Variants in CSMD1 observed in about 807,000 individuals in gnomAD.
CSMD1 encodes CUB and Sushi multiple domains 1, also known as CUB and sushi domain-containing protein 1.
In CSMD1, 213 loss-of-function variants were observed where a neutral mutation model predicts 417.5. That is an observed-to-expected ratio of 0.51 (90% confidence interval 0.46 to 0.57). CSMD1 has a LOEUF of 0.57. Among genes scored for constraint, CSMD1 ranks in the 20% least tolerant of loss-of-function variants. The pLI, the probability that CSMD1 is intolerant of heterozygous loss-of-function variation, is 0.00. For synonymous variants in CSMD1, 2,862 were observed against 1,736.8 expected, an observed-to-expected ratio of 1.65 and a Z score of -16.11; for missense variants, 6,923 against 4,529.7, an observed-to-expected ratio of 1.53 and a Z score of -15.17.
chr8:3,446,027 C>T lies in CSMD1; in HGVS notation c.1561+22685G>A, dbSNP rs574960611. The stretch of plus-strand genomic sequence containing the variant: ...AAAGTCAAAAATACTGTCCCGGGCC[C>T]GGATTGATAATTACATTTTTGACAA... On this transcript the variant is annotated intron_variant, in intron 12 of 69. Coordinates refer to ENST00000635120, the MANE Select transcript of CSMD1 (RefSeq NM_033225.6). Among the ~76,000 whole-genome samples, 6 of 152,114 alleles carry T rather than the reference C, an allele frequency of 3.9e-5. No homozygotes were observed. The South Asian group carries it at 6.2e-4, about 16-fold the overall frequency.
intron 3 of CSMD1, among the ~76,000 whole-genome samples, chr8:4,071,178 C>G (rs545278686): frequency 1.3e-5 from 2 of 151,530 alleles, no homozygotes; most frequent in South Asian, 2.1e-4. Flanking sequence ...AAGATAGTTT[C>G]TCCCTTATTC....
rs138711372 is a variant in CSMD1 at position 4,221,530 on chromosome 8, A to G, written c.416-189431T>C. The stretch of plus-strand genomic sequence containing the variant: ...GAAACAAGCCAATTTGCAGCACAGA[A>G]TCCCAGGAAGGCTCAAGAGCAGGAG... On this transcript the variant is annotated intron_variant, in intron 3 of 69. Coordinates refer to ENST00000635120, the MANE Select transcript of CSMD1 (RefSeq NM_033225.6). 1.5e-3 allele frequency among the ~76,000 whole-genome samples: 236 copies of G among 152,328 alleles called. 1 individual carries two copies. Among genetic ancestry groups the G allele is most frequent in the South Asian group, 2.7e-3 (13 of 4,830 alleles).
chr8:4,513,702 C>G (rs1255113369), intron 2 of CSMD1, among the ~76,000 whole-genome samples: 2 of 152,174 alleles, frequency 1.3e-5, no homozygotes, highest in Non-Finnish European at 2.9e-5. Context: ...TTCTGGGGGA[C>G]TTTAAAGTCC....
chr8:3,616,979 AAC>A (rs199913308), intron 7 of CSMD1, among the ~76,000 whole-genome samples, 182 bp from the exon 8 acceptor site: 1 of 128,306 alleles, frequency 7.8e-6, no homozygotes, highest in Non-Finnish European at 1.8e-5. Context: ...GTGAAAATCA[AAC>A]ATGTGTTTTC....
chr8:3,551,475 T>C lies in CSMD1; in HGVS notation c.1344+23470A>G, dbSNP rs1030552167. Among the ~76,000 whole-genome samples the C allele has an allele frequency of 7.2e-5, 11 of 151,962 alleles. No individual in the cohort carries two copies. The East Asian group carries it at 7.7e-4, about 11-fold the overall frequency. ...GGAGAAAAGAACATATTTTACCAAATACATAACTTTTATTGTGACTGTTTG... is the reference window on the plus strand; with the variant it reads ...GGAGAAAAGAACATATTTTACCAAACACATAACTTTTATTGTGACTGTTTG... On this transcript the variant is annotated intron_variant, in intron 10 of 69. Coordinates refer to ENST00000635120, the MANE Select transcript of CSMD1 (RefSeq NM_033225.6).
At chr8:3,063,003 G>C (rs1012919030) in intron 49 of CSMD1, among the ~76,000 whole-genome samples, 41 of 152,240 alleles carry the variant, frequency 2.7e-4, no homozygotes, top group African/African-American at 8.9e-4. Flanking sequence ...AACGTAAAGT[G>C]ACACTGCTGT....
intron 5 of CSMD1, among the ~76,000 whole-genome samples, chr8:3,941,613 A>G (rs1810888570): frequency 6.6e-6 from 1 of 152,176 alleles, no homozygotes; most frequent in African/African-American, 2.4e-5. Flanking sequence ...ATGGTAATTC[A>G]TGAAGATAAG....
At chr8:4,077,595 T>G (rs977652976) in intron 3 of CSMD1, among the ~76,000 whole-genome samples, 3 of 152,088 alleles carry the variant, frequency 2.0e-5, no homozygotes, top group African/African-American at 7.2e-5. Flanking sequence ...TTCCTCCTGC[T>G]GTCACTTGAA....
chr8:3,837,605 T>C (rs1441665453), intron 5 of CSMD1, among the ~76,000 whole-genome samples: 1 of 152,186 alleles, frequency 6.6e-6, no homozygotes, highest in East Asian at 1.9e-4. Flanking sequence ...GAAGTCTTAA[T>C]AGAAATTCTA....
At chr8:4,443,928 C>T (rs922250947) in intron 2 of CSMD1, among the ~76,000 whole-genome samples, 45 of 152,082 alleles carry the variant, frequency 3.0e-4, no homozygotes, top group African/African-American at 1.0e-3. Context: ...GAAATGCGTA[C>T]ATATACATGC....
At chr8:4,964,587 G>C (rs571713092) in intron 1 of CSMD1, among the ~76,000 whole-genome samples, 19 of 142,062 alleles carry the variant, frequency 1.3e-4, no homozygotes, top group Non-Finnish European at 2.3e-4. Context: ...AGAAGGACAA[G>C]AAGGACTGGA....
intron 50 of CSMD1, among the ~76,000 whole-genome samples, chr8:3,034,714 A>G (rs1032614082): frequency 6.6e-6 from 1 of 152,218 alleles, no homozygotes; most frequent in Non-Finnish European, 1.5e-5. Context: ...TTCTTCCCAC[A>G]ATATCATACT....
chr8:4,515,661 G>T (rs1803076559), intron 2 of CSMD1, among the ~76,000 whole-genome samples: 1 of 152,138 alleles, frequency 6.6e-6, no homozygotes, highest in South Asian at 2.1e-4. Context: ...ATTCCCTCTA[G>T]GGTGTTTGCC....
chr8:3,822,103 G>T (rs560855910), intron 5 of CSMD1, among the ~76,000 whole-genome samples: 11 of 151,800 alleles, frequency 7.2e-5, no homozygotes, highest in African/African-American at 2.4e-4. Context: ...TTTTGTCTCC[G>T]ATTTTTCTGG....
intron 3 of CSMD1, among the ~76,000 whole-genome samples, chr8:4,383,014 T>G (rs1347397538): frequency 4.6e-5 from 7 of 152,184 alleles, no homozygotes; most frequent in African/African-American, 1.2e-4. Context: ...GCGCCTTCAG[T>G]AAGAATTGGT....
At position 3,287,939 on chromosome 8, in the gene CSMD1, T is replaced by C. The variant is rs187376138; in HGVS notation, c.3951-3593A>G. On this transcript the variant is annotated intron_variant, in intron 25 of 69. Coordinates refer to ENST00000635120, the MANE Select transcript of CSMD1 (RefSeq NM_033225.6). Reference sequence around the variant, plus strand: ...ATTCAGTATGATATTGGCTGTGGGTTTGTCATAGATAGCTCTTATTATTTT... The same window carrying C: ...ATTCAGTATGATATTGGCTGTGGGTCTGTCATAGATAGCTCTTATTATTTT... Among the ~76,000 whole-genome samples, 470 of 146,372 alleles carry C rather than the reference T, an allele frequency of 3.2e-3. 74 individuals carry two copies. Among genetic ancestry groups the C allele is most frequent in the African/African-American group, 0.012 (453 of 36,554 alleles).
chr8:3,728,170 C>T (rs1176934080), intron 6 of CSMD1, among the ~76,000 whole-genome samples: 2 of 152,130 alleles, frequency 1.3e-5, no homozygotes, highest in Non-Finnish European at 2.9e-5. Context: ...GGTGCTGTTG[C>T]CCCCATACTG....
At chr8:3,967,441 G>C (rs1036521935) in intron 5 of CSMD1, among the ~76,000 whole-genome samples, 2 of 127,746 alleles carry the variant, frequency 1.6e-5, no homozygotes, top group South Asian at 3.0e-4. Flanking sequence ...TCCTCATTCA[G>C]GATCTTTGCT....
chr8:4,178,788 A>G (rs1183865033), intron 3 of CSMD1, among the ~76,000 whole-genome samples: 1 of 151,842 alleles, frequency 6.6e-6, no homozygotes, highest in East Asian at 1.9e-4. Flanking sequence ...ACACCAACAA[A>G]AGACAAACAG....
Sources: gnomAD v4.1 joint callset for allele counts (sites outside exome capture counted in the v4.1 genomes callset) on GRCh38, gnomAD v4.1.1 for gene constraint, MANE v1.5 for transcripts, NCBI Gene and HGNC (gene_info 2026-07-23, HGNC 2026-07-21) for gene names.